HTR3B: variants seen among roughly 807,000 people sequenced by gnomAD.
The protein encoded by HTR3B is 5-hydroxytryptamine receptor 3B, also known as 5-hydroxytryptamine (serotonin) receptor 3B, ionotropic.
A neutral mutation model predicts 42.8 loss-of-function variants in HTR3B; 44 were observed. The observed-to-expected ratio is 1.03, with a 90% CI of 0.81 to 1.32. HTR3B has a LOEUF of 1.32. HTR3B is among the 40% of genes most tolerant of loss of function. The pLI is 0.00. For synonymous variants in HTR3B, 203 were observed against 209.0 expected, an observed-to-expected ratio of 0.97 and a Z score of 0.25; for missense variants, 527 against 536.5, an observed-to-expected ratio of 0.98 and a Z score of 0.17.
At chr11:113,924,909 G>A (rs1949954208) in intron 2 of HTR3B, among the ~76,000 whole-genome samples, 1 of 152,126 alleles carries the variant, frequency 6.6e-6, no homozygotes, top group Non-Finnish European at 1.5e-5. Flanking sequence ...CACTAAAGCA[G>A]GGCGACTATG....
intron 7 of HTR3B, among the ~76,000 whole-genome samples, 195 bp downstream of exon 7, chr11:113,943,387 C>T (rs987658655): frequency 1.3e-5 from 2 of 151,792 alleles, no homozygotes; most frequent in Admixed American, 6.6e-5. Flanking sequence ...TAAAAATCAA[C>T]AGGGCATTCA....
At position 113,933,107 on chromosome 11, in the gene HTR3B, T is replaced by C. The variant is rs750889999; in HGVS notation, c.696+14T>C. 6.2e-7 allele frequency: 1 copy of C among 1,607,320 alleles called. No individual in the cohort carries two copies. The highest frequency in any genetic ancestry group is 8.5e-7 in the Non-Finnish European group (1 of 1,175,448). ...ATTCAGTTTAATGTAGGTTCTTTAC[T>C]ACCTGTCCCCGTTGCCCGCTTCTCC... On this transcript the variant is annotated intron_variant, in intron 6 of 8. Coordinates refer to ENST00000260191, the MANE Select transcript of HTR3B (RefSeq NM_006028.5).
chr11:113,938,098 C>A (rs1241097786), intron 6 of HTR3B, among the ~76,000 whole-genome samples: 1 of 152,096 alleles, frequency 6.6e-6, no homozygotes, highest in Non-Finnish European at 1.5e-5. Context: ...ATCAGAACTC[C>A]AGTCACATTG....
intron 2 of HTR3B, among the ~76,000 whole-genome samples, chr11:113,929,779 C>T (rs1950013397): frequency 6.6e-6 from 1 of 152,160 alleles, no homozygotes; most frequent in African/African-American, 2.4e-5. Flanking sequence ...GTCACCCAGG[C>T]TGGAGTGCAG....
intron 2 of HTR3B, among the ~76,000 whole-genome samples, chr11:113,914,042 TA>T (rs1443392257): frequency 1.4e-5 from 2 of 146,122 alleles, no homozygotes; most frequent in Non-Finnish European, 1.5e-5. Context: ...GTGAAAAATA[TA>T]TTTTTTTTTT....
chr11:113,931,388 C>T lies in HTR3B; in HGVS notation c.218C>T (p.Ala73Val), dbSNP rs778525934. ...LFVHAILDVD[A>V]ENQILKTSVW... ...GATTTTCTTTTTGCCTTGCAGGATG[C>T]AGAGAATCAAATATTAAAGACAAGT... is the stretch of plus-strand genomic sequence containing the variant. Residue 73 changes from alanine to valine, a missense_variant, in exon 3 of 9, where the codon GCA becomes GTA. Coordinates refer to ENST00000260191, the MANE Select transcript of HTR3B (RefSeq NM_006028.5). 1.2e-6 allele frequency: 2 copies of T among 1,601,504 alleles called. No homozygotes were observed. The highest frequency in any genetic ancestry group is 2.3e-5 in the South Asian group (2 of 88,686).
chr11:113,944,463 T>C, intron 7 of HTR3B, 110 bp from the exon 8 acceptor site: 1 of 958,588 alleles, frequency 1.0e-6, no homozygotes, highest in East Asian at 2.5e-5. Flanking sequence ...ATTGCACCAC[T>C]GCACTCCAGC....
intron 1 of HTR3B, chr11:113,908,990 G>C (rs973407232): frequency 2.0e-6 from 1 of 508,382 alleles, no homozygotes; most frequent in Non-Finnish European, 3.4e-6. Flanking sequence ...CAGGAATAAA[G>C]AAATTATTCT....
rs58093170 is a variant in HTR3B at position 113,946,340 on chromosome 11, GTAAATAAA to G, written c.*238_*245del. 4.2e-3 allele frequency: 989 copies of G among 235,826 alleles called. 25 individuals are homozygous for G. Among genetic ancestry groups the G allele is most frequent in the African/African-American group, 8.7e-3 (355 of 40,630 alleles). The allele number at this position is 235,826 out of a possible 1,614,324, so 14.6% of individuals were successfully genotyped here. On this transcript the variant is annotated 3_prime_UTR_variant, in exon 9 of 9. Transcript: ENST00000260191. The stretch of plus-strand genomic sequence containing the variant: ...ACATAGTGAGACCACATCTCTACCA[GTAAATAAA>G]TAAATAAATAAATAAATAAATAAAT...
At chr11:113,920,317 C>T (rs529085995) in intron 2 of HTR3B, among the ~76,000 whole-genome samples, 26 of 146,908 alleles carry the variant, frequency 1.8e-4, no homozygotes, top group Admixed American at 1.4e-3. Flanking sequence ...CGTGAGCCAC[C>T]GCGCCTGGCC....
chr11:113,937,470 G>T (rs1372141311), intron 6 of HTR3B, among the ~76,000 whole-genome samples: 2 of 152,148 alleles, frequency 1.3e-5, no homozygotes, highest in East Asian at 1.9e-4. Context: ...CCCAAAATCT[G>T]CCCAGGGAGA....
chr11:113,941,647 T>C (rs920273552), intron 6 of HTR3B, among the ~76,000 whole-genome samples: 1 of 151,946 alleles, frequency 6.6e-6, no homozygotes, highest in African/African-American at 2.4e-5. Flanking sequence ...TGGTCATGCT[T>C]GACCAGTAGG....
chr11:113,912,048 C>G (rs1458016769), intron 2 of HTR3B, among the ~76,000 whole-genome samples: 1 of 152,156 alleles, frequency 6.6e-6, no homozygotes, highest in Admixed American at 6.6e-5. Context: ...TTGAGATTCA[C>G]TTATGTTGCG....
intron 3 of HTR3B, 116 bp from the exon 4 acceptor site, chr11:113,931,642 C>T (rs1950035563): frequency 2.8e-6 from 2 of 721,486 alleles, no homozygotes; most frequent in Admixed American, 2.4e-5. Context: ...TTTCTCCTAA[C>T]AGGTAGAACC....
intron 2 of HTR3B, among the ~76,000 whole-genome samples, chr11:113,921,633 A>G (rs75853820): frequency 7.3e-5 from 11 of 151,500 alleles, no homozygotes; most frequent in Non-Finnish European, 1.5e-4. Context: ...AAAAAAAAAA[A>G]TTGCTCAGGC....
intron 2 of HTR3B, among the ~76,000 whole-genome samples, chr11:113,910,287 G>T (rs893457386): frequency 1.3e-5 from 2 of 152,132 alleles, no homozygotes; most frequent in African/African-American, 4.8e-5. Context: ...TGGGCTGTGG[G>T]AATGAAACGA....
At chr11:113,942,942 C>T (rs1591588408) in intron 6 of HTR3B, 40 bp from the exon 7 acceptor site, 1 of 1,581,570 alleles carries the variant, frequency 6.3e-7, no homozygotes, top group African/African-American at 1.3e-5. Context: ...AGTCTGTTGG[C>T]CTAGATCCTC....
At chr11:113,922,265 G>T (rs1009718040) in intron 2 of HTR3B, among the ~76,000 whole-genome samples, 1 of 149,874 alleles carries the variant, frequency 6.7e-6, no homozygotes, top group Non-Finnish European at 1.5e-5. Context: ...TTTGAGATAG[G>T]GTCTCACTCT....
At chr11:113,912,865 G>T (rs1949810299) in intron 2 of HTR3B, among the ~76,000 whole-genome samples, 1 of 150,988 alleles carries the variant, frequency 6.6e-6, no homozygotes, top group African/African-American at 2.4e-5. Flanking sequence ...GCCCATTTAA[G>T]CCTTCTCTTA....
Sources: allele counts gnomAD v4.1 joint callset (sites outside exome capture counted in the v4.1 genomes callset), GRCh38; gene constraint gnomAD v4.1.1; transcripts MANE v1.5; gene names NCBI Gene and HGNC (gene_info 2026-07-23, HGNC 2026-07-21).